The following C8orf34 variants were observed in gnomAD, a reference collection of about 807,000 sequenced individuals.
C8orf34 encodes the protein uncharacterized protein C8orf34.
Under a neutral mutation model 68.3 loss-of-function variants are expected in C8orf34, and 65 were observed. That is an observed-to-expected ratio of 0.95 (90% confidence interval 0.78 to 1.17). The LOEUF (loss-of-function observed/expected upper bound fraction) is 1.17, where lower values mean the gene tolerates loss of function less well. Among genes scored for constraint, C8orf34 ranks in the 50% most tolerant of loss-of-function variants. The pLI, the probability that C8orf34 is intolerant of heterozygous loss-of-function variation, is 0.00. For synonymous variants in C8orf34, 244 were observed against 241.2 expected (o/e 1.01, Z -0.11); for missense variants, 664 against 655.4 (o/e 1.01, Z -0.14).
chr8:68,399,275 T>C (rs1298438196), intron 1 of C8orf34, among the ~76,000 whole-genome samples: 1 of 152,132 alleles, frequency 6.6e-6, no homozygotes, highest in Non-Finnish European at 1.5e-5. Flanking sequence ...ACAGCATACA[T>C]TGCATCCATT....
intron 8 of C8orf34, among the ~76,000 whole-genome samples, chr8:68,643,071 G>T (rs910924320): frequency 6.6e-6 from 1 of 152,162 alleles, no homozygotes; most frequent in Non-Finnish European, 1.5e-5. Context: ...TTCATGGCCT[G>T]GGGGTTGGGG....
intron 7 of C8orf34, among the ~76,000 whole-genome samples, chr8:68,569,438 G>T (rs917091355): frequency 1.3e-5 from 2 of 152,084 alleles, no homozygotes; most frequent in African/African-American, 4.8e-5. Flanking sequence ...AACACTTGTC[G>T]GCCCCTCCCC....
chr8:68,353,260 A>G (rs1423523712), intron 1 of C8orf34, among the ~76,000 whole-genome samples: 2 of 151,986 alleles, frequency 1.3e-5, no homozygotes, highest in Non-Finnish European at 2.9e-5. Flanking sequence ...ACAATGAAGT[A>G]TTAGAACTGC....
intron 8 of C8orf34, among the ~76,000 whole-genome samples, chr8:68,654,126 T>C (rs899042226): frequency 6.6e-6 from 1 of 152,138 alleles, no homozygotes. Flanking sequence ...ATGAAATCGG[T>C]GCCCTTATAA....
chr8:68,681,610 C>T (rs1343176959), intron 8 of C8orf34, among the ~76,000 whole-genome samples: 9 of 152,044 alleles, frequency 5.9e-5, no homozygotes, highest in African/African-American at 1.9e-4. Flanking sequence ...GGAAGTTCCT[C>T]GAAAAACTAA....
intron 7 of C8orf34, among the ~76,000 whole-genome samples, chr8:68,543,381 A>C (rs1815762801): frequency 2.0e-5 from 3 of 152,198 alleles, no homozygotes; most frequent in Admixed American, 6.5e-5. Flanking sequence ...AAAATGAATA[A>C]ATAAATATTA....
rs1480052839 is a variant in C8orf34 at position 68,489,641 on chromosome 8, T to G, written c.765+1590T>G. 6.6e-5 allele frequency among the ~76,000 whole-genome samples: 10 copies of G among 152,234 alleles called. No homozygotes were observed. The East Asian group carries it at 1.9e-3, about 29-fold the overall frequency. ...ACGAGGTCAAGTATAAAATGTTCTA[T>G]TTGTGACATCGTGTCGATGCTCAAA... is the stretch of plus-strand genomic sequence containing the variant. On this transcript the variant is annotated intron_variant, in intron 5 of 13. Coordinates refer to ENST00000518698, the MANE Select transcript of C8orf34 (RefSeq NM_052958.4).
chr8:68,471,720 C>G (rs1158844353), intron 4 of C8orf34, among the ~76,000 whole-genome samples: 1 of 151,922 alleles, frequency 6.6e-6, no homozygotes, highest in African/African-American at 2.4e-5. Flanking sequence ...ATCATTGATG[C>G]AAAAGGCTGA....
At chr8:68,790,637 T>C (rs1823968380) in intron 12 of C8orf34, among the ~76,000 whole-genome samples, 1 of 151,944 alleles carries the variant, frequency 6.6e-6, no homozygotes, top group East Asian at 1.9e-4. Context: ...TTAAATAGAT[T>C]TTTTTCTTTG....
chr8:68,711,069 C>T (rs956074269), intron 9 of C8orf34, among the ~76,000 whole-genome samples: 1 of 152,134 alleles, frequency 6.6e-6, no homozygotes, highest in African/African-American at 2.4e-5. Context: ...AGAGCAAAAA[C>T]ACTCACTACA....
chr8:68,441,436 T>C (rs1247139146), intron 2 of C8orf34, among the ~76,000 whole-genome samples: 1 of 152,202 alleles, frequency 6.6e-6, no homozygotes, highest in African/African-American at 2.4e-5. Context: ...CTTCCTCCTG[T>C]TCTTTTTCCT....
intron 11 of C8orf34, among the ~76,000 whole-genome samples, chr8:68,784,181 A>G (rs1823776159): frequency 6.6e-6 from 1 of 152,094 alleles, no homozygotes; most frequent in Non-Finnish European, 1.5e-5. Context: ...ACCCTTTCTC[A>G]CAACCAAGCT....
chr8:68,424,016 G>A (rs1810099144), intron 1 of C8orf34, among the ~76,000 whole-genome samples: 1 of 152,214 alleles, frequency 6.6e-6, no homozygotes, highest in Non-Finnish European at 1.5e-5. Context: ...TATAATTCAA[G>A]GTGAGATTTG....
intron 11 of C8orf34, among the ~76,000 whole-genome samples, chr8:68,779,180 AACACACACACACACACACACACACACAC>A (rs10550333): frequency 7.2e-6 from 1 of 139,156 alleles, no homozygotes; most frequent in African/African-American, 2.6e-5. Flanking sequence ...CTGTCTCTGA[AACACACACACACACACACACACACACAC>A]ACACACACAC....
chr8:68,420,804 A>G lies in C8orf34; in HGVS notation c.328-18695A>G, dbSNP rs76606681. On this transcript the variant is annotated intron_variant, in intron 1 of 13. Coordinates refer to ENST00000518698, the MANE Select transcript of C8orf34 (RefSeq NM_052958.4). ...ATAGCAGGATTAAACATAGCTGAAG[A>G]CAAAACATGGAAACTGTATCATAGA... 7.6e-3 allele frequency among the ~76,000 whole-genome samples: 1,159 copies of G among 152,270 alleles called. 28 individuals are homozygous for G. Among genetic ancestry groups the G allele is most frequent in the African/African-American group, 0.027 (1,112 of 41,550 alleles).
rs571883948 is a variant in C8orf34 at position 68,375,840 on chromosome 8, C to T, written c.327+44501C>T. On this transcript the variant is annotated intron_variant, in intron 1 of 13. Transcript: ENST00000518698. ...CCAAAAGTATGATTAGACTTGAAGACGTAGATGCATATTGCAGTGAAGCCA... is the reference window on the plus strand; with the variant it reads ...CCAAAAGTATGATTAGACTTGAAGATGTAGATGCATATTGCAGTGAAGCCA... Among the ~76,000 whole-genome samples the T allele has an allele frequency of 1.0e-3, 154 of 152,238 alleles. 2 individuals are homozygous for T. The highest frequency in any genetic ancestry group is 9.7e-3 in the Admixed American group (148 of 15,282).
intron 4 of C8orf34, among the ~76,000 whole-genome samples, chr8:68,486,885 C>T (rs551314624): frequency 6.6e-5 from 10 of 152,166 alleles, no homozygotes; most frequent in Admixed American, 2.0e-4. Context: ...AAACTTTAGA[C>T]CTTTCCTTAT....
At position 68,538,049 on chromosome 8, in the gene C8orf34, TTA is replaced by T. The variant is rs1815552052; in HGVS notation, c.1105+4902_1105+4903del. ...TAAACAAATTATTGACAAATGCCTT[TTA>T]TCTCAATTATACACCTATTGGAAAA... On this transcript the variant is annotated intron_variant, in intron 7 of 13. Transcript: ENST00000518698. Among the ~76,000 whole-genome samples, 3 of 152,224 alleles carry T rather than the reference TTA, an allele frequency of 2.0e-5. No individual in the cohort carries two copies. In the South Asian group the frequency reaches 6.2e-4, roughly 31 times the overall value.
At chr8:68,486,785 C>A (rs1009755069) in intron 4 of C8orf34, among the ~76,000 whole-genome samples, 6 of 152,174 alleles carry the variant, frequency 3.9e-5, no homozygotes, top group Non-Finnish European at 8.8e-5. Context: ...TTCTTTCTTC[C>A]AACCCAGCTC....
Sources: gnomAD v4.1 joint callset for allele counts (sites outside exome capture counted in the v4.1 genomes callset) on GRCh38, gnomAD v4.1.1 for gene constraint, MANE v1.5 for transcripts, NCBI Gene and HGNC (gene_info 2026-07-23, HGNC 2026-07-21) for gene names.